The following TBC1D2B variants were observed in gnomAD, a reference collection of about 807,000 sequenced individuals.
TBC1D2B encodes TBC1 domain family member 2B.
A neutral mutation model predicts 100.8 loss-of-function variants in TBC1D2B; 64 were observed. That is an observed-to-expected ratio of 0.64 (90% confidence interval 0.52 to 0.78). The LOEUF is 0.78. Ranked by LOEUF, TBC1D2B falls within the 30% of genes least tolerant of loss-of-function variation. The probability of loss-of-function intolerance (pLI) is 0.00; values close to 1 mark genes in which losing one functional copy is unlikely to be tolerated. For missense variants in TBC1D2B, 1,052 were observed against 1,218.4 expected (o/e 0.86, Z 2.03); for synonymous variants, 480 against 479.7 (o/e 1.00, Z -0.01).
chr15:78,075,814 A>C (rs140845389), intron 1 of TBC1D2B, among the ~76,000 whole-genome samples: 282 of 152,068 alleles, frequency 1.9e-3, no homozygotes, highest in Non-Finnish European at 3.6e-3. Context: ...GAACTGGCAA[A>C]AGCTGAGTCA....
intron 3 of TBC1D2B, among the ~76,000 whole-genome samples, chr15:78,041,297 G>A (rs1008130817): frequency 7.9e-5 from 12 of 152,068 alleles, no homozygotes; most frequent in Non-Finnish European, 1.3e-4. Context: ...TAAGTACAAC[G>A]GGCATTAACC....
Position 78,044,981 on chromosome 15 carries a change from T to C in TBC1D2B, c.602A>G (p.Glu201Gly). ...VETVPGELVG[E>G]QAANQPAPGH... Reference sequence around the variant, plus strand: ...TGGGGCGGGCTGATTTGCAGCTTGTTCTCCCACCAGCTCTCCAGGCACAGT... The same window carrying C: ...TGGGGCGGGCTGATTTGCAGCTTGTCCTCCCACCAGCTCTCCAGGCACAGT... Residue 201 changes from glutamate (E) to glycine (G), a missense_variant, in exon 3 of 13, where the codon GAA (glutamate) becomes GGA (glycine). Transcript: ENST00000300584. 1 of 1,613,874 alleles carries C rather than the reference T, an allele frequency of 6.2e-7. No individual in the cohort carries two copies. Among genetic ancestry groups the C allele is most frequent in the Non-Finnish European group, 8.5e-7 (1 of 1,179,822 alleles).
At position 78,019,905 on chromosome 15, in the gene TBC1D2B, G is replaced by T. The variant is rs569597559; in HGVS notation, c.1471-1948C>A. Among the ~76,000 whole-genome samples, 4 of 151,720 alleles carry T rather than the reference G, an allele frequency of 2.6e-5. No individual in the cohort carries two copies. In the East Asian group the frequency reaches 5.8e-4, roughly 22 times the overall value. ...CTCTGTATCAAAAAAAAAAAAAGGG[G>T]GGGGGAGACAGGGTCTCACTCTTGC... On this transcript the variant is annotated intron_variant, in intron 6 of 12. Coordinates refer to ENST00000300584, the MANE Select transcript of TBC1D2B (RefSeq NM_144572.2).
At chr15:78,017,709 A>G in intron 7 of TBC1D2B, 138 bp downstream of exon 7, 1 of 562,024 alleles carries the variant, frequency 1.8e-6, no homozygotes, top group South Asian at 2.6e-5. Flanking sequence ...TATTATATGT[A>G]TTTTAAATAT....
intron 3 of TBC1D2B, among the ~76,000 whole-genome samples, chr15:78,038,415 G>A (rs997490144): frequency 1.3e-5 from 2 of 152,228 alleles, no homozygotes; most frequent in Admixed American, 1.3e-4. Flanking sequence ...CAATGGGACA[G>A]CCTGAGGCAG....
At chr15:78,040,833 AAG>A (rs1491473016) in intron 3 of TBC1D2B, among the ~76,000 whole-genome samples, 1 of 138,446 alleles carries the variant, frequency 7.2e-6, no homozygotes, top group Non-Finnish European at 1.6e-5. Flanking sequence ...GAAGGAAAGA[AAG>A]AAAAAAGAAA....
intron 10 of TBC1D2B, 61 bp from the exon 11 acceptor site, chr15:78,003,551 G>C: frequency 7.5e-7 from 1 of 1,335,022 alleles, no homozygotes; most frequent in Non-Finnish European, 1.1e-6. Context: ...GTAAGCAGAC[G>C]AGCAGACGCG....
chr15:78,038,769 C>A (rs1193720165), intron 3 of TBC1D2B, among the ~76,000 whole-genome samples: 1 of 152,168 alleles, frequency 6.6e-6, no homozygotes, highest in African/African-American at 2.4e-5. Flanking sequence ...CTCAGCTTGC[C>A]ATGCTGAGTC....
At position 78,023,509 on chromosome 15, in the gene TBC1D2B, G is replaced by A. The variant is rs3743069; in HGVS notation, c.1470+647C>T. On this transcript the variant is annotated intron_variant, in intron 6 of 12. Transcript: ENST00000300584. ...ACAAATGCTGTGTGTTCCTCCTACCGCATCAGCTGGTCACCACCCCAGGCA... is the reference window on the plus strand; with the variant it reads ...ACAAATGCTGTGTGTTCCTCCTACCACATCAGCTGGTCACCACCCCAGGCA... 1.9e-4 allele frequency among the ~76,000 whole-genome samples: 29 copies of A among 152,252 alleles called. No individual in the cohort carries two copies. The East Asian group carries it at 5.4e-3, about 28-fold the overall frequency.
chr15:77,997,846 C>G lies in TBC1D2B; in HGVS notation c.*314G>C. On this transcript the variant is annotated 3_prime_UTR_variant, in exon 13 of 13. Coordinates refer to ENST00000300584, the MANE Select transcript of TBC1D2B (RefSeq NM_144572.2). ...AGCAAGGTTTCAGAGGGTCAGAGCACCGACAGGCTGACGGAGGCTGGAAAC... is the reference window on the plus strand; with the variant it reads ...AGCAAGGTTTCAGAGGGTCAGAGCAGCGACAGGCTGACGGAGGCTGGAAAC... 4.2e-6 allele frequency: 1 copy of G among 240,170 alleles called. No homozygotes were observed. 14.9% of individuals were successfully genotyped at this position (240,170 alleles called of 1,614,324 possible).
Position 78,025,192 on chromosome 15 carries a change from G to A in TBC1D2B, c.1086+67C>T. On this transcript the variant is annotated intron_variant, in intron 5 of 12. Transcript: ENST00000300584. ...AGAAAGACTCAGGGAAACATAAATT[G>A]GGCTTTACTCCTCCCGTCCTTGGCC... The A allele has an allele frequency of 9.7e-6, 13 of 1,343,060 alleles. No homozygotes were observed. The South Asian group carries it at 1.6e-4, about 16-fold the overall frequency. The allele number at this position is 1,343,060 out of a possible 1,614,324, so 83.2% of individuals were successfully genotyped here. A position where few individuals can be genotyped will look rare whatever the true frequency, so the allele number is the denominator to read the frequency against.
At chr15:78,035,043 G>C (rs1289569785) in intron 3 of TBC1D2B, among the ~76,000 whole-genome samples, 1 of 152,066 alleles carries the variant, frequency 6.6e-6, no homozygotes, top group East Asian at 1.9e-4. Flanking sequence ...GCTGTTTAAA[G>C]ACCGCAGTCT....
chr15:78,044,170 G>C (rs569134980), intron 3 of TBC1D2B, among the ~76,000 whole-genome samples: 1 of 152,132 alleles, frequency 6.6e-6, no homozygotes, highest in African/African-American at 2.4e-5. Flanking sequence ...TTTTTGGATC[G>C]ATGAAAACAT....
chr15:78,072,329 C>T (rs2073753617), intron 1 of TBC1D2B, among the ~76,000 whole-genome samples: 1 of 152,202 alleles, frequency 6.6e-6, no homozygotes, highest in Non-Finnish European at 1.5e-5. Context: ...AAGCACAATA[C>T]TGGACTTGCC....
intron 1 of TBC1D2B, among the ~76,000 whole-genome samples, chr15:78,071,356 A>G (rs1433190903): frequency 6.6e-6 from 1 of 152,230 alleles, no homozygotes; most frequent in African/African-American, 2.4e-5. Context: ...TCCATAACTA[A>G]AAGTTAAAAC....
At chr15:78,030,215 A>T in intron 3 of TBC1D2B, 45 bp from the exon 4 acceptor site, 1 of 1,539,072 alleles carries the variant, frequency 6.5e-7, no homozygotes, top group Non-Finnish European at 8.8e-7. Flanking sequence ...ACAAAAGTAA[A>T]ACAAAACGTA....
chr15:78,028,395 C>T (rs572410983), intron 4 of TBC1D2B, among the ~76,000 whole-genome samples: 16 of 152,132 alleles, frequency 1.1e-4, no homozygotes, highest in Non-Finnish European at 1.5e-4. Context: ...TCGCTTAACC[C>T]GGAAGGCGGA....
At chr15:78,066,968 ACTT>A (rs1430227706) in intron 1 of TBC1D2B, among the ~76,000 whole-genome samples, 1 of 152,222 alleles carries the variant, frequency 6.6e-6, no homozygotes, top group East Asian at 1.9e-4. Flanking sequence ...ATGTGACTAA[ACTT>A]CTTAAATCTG....
At chr15:78,008,001 C>G (rs946745430) in intron 10 of TBC1D2B, among the ~76,000 whole-genome samples, 1 of 152,252 alleles carries the variant, frequency 6.6e-6, no homozygotes, top group Non-Finnish European at 1.5e-5. Flanking sequence ...TGTGAGCAGG[C>G]AGGCCAGGCG....
Sources: gnomAD v4.1 joint callset for allele counts (sites outside exome capture counted in the v4.1 genomes callset) on GRCh38, gnomAD v4.1.1 for gene constraint, MANE v1.5 for transcripts, NCBI Gene and HGNC (gene_info 2026-07-23, HGNC 2026-07-21) for gene names.